The following STS variants were observed in gnomAD, a reference collection of about 807,000 sequenced individuals.
The protein encoded by STS is steroid sulfatase.
Under a neutral mutation model 26.8 loss-of-function variants are expected in STS, and 7 were observed. That is an observed-to-expected ratio of 0.26 (90% confidence interval 0.15 to 0.49). The LOEUF is 0.49. Among genes scored for constraint, STS ranks in the 20% least tolerant of loss-of-function variants. The pLI is 0.98. For synonymous variants in STS, 199 were observed against 189.4 expected, an observed-to-expected ratio of 1.05 and a Z score of -0.42; for missense variants, 434 against 465.6, an observed-to-expected ratio of 0.93 and a Z score of 0.63.
intron 2 of STS, among the ~76,000 whole-genome samples, chrX:7,247,244 TAGTC>T (rs1339882149): frequency 8.9e-6 from 1 of 112,209 alleles, no homozygotes; most frequent in East Asian, 2.8e-4. Context: ...AAGAGTAAGA[TAGTC>T]AATCACTCAA....
chrX:7,287,518 T>G (rs1406079915), intron 7 of STS, among the ~76,000 whole-genome samples: 2 of 111,289 alleles, frequency 1.8e-5, no homozygotes, highest in Non-Finnish European at 3.8e-5. Flanking sequence ...AAACTCTATA[T>G]GCTATTCTGC....
intron 2 of STS, among the ~76,000 whole-genome samples, chrX:7,206,192 G>A (rs1207283070): frequency 3.6e-5 from 4 of 111,759 alleles, no homozygotes; most frequent in African/African-American, 1.3e-4. Context: ...TATTGCTTTG[G>A]TAATCTCTTG....
At chrX:7,337,270 C>T (rs769925040) in intron 10 of STS, among the ~76,000 whole-genome samples, 33 of 112,059 alleles carry the variant, frequency 2.9e-4, no homozygotes, top group Non-Finnish European at 5.3e-4. Context: ...TGGAACATAT[C>T]GTCTTAGCGC....
rs1260680965 is a variant in STS, at chrX:7,352,295, G to A, written c.*2034G>A. 3.6e-5 allele frequency: 4 copies of A among 112,372 alleles called. No individual in the cohort carries two copies. Among genetic ancestry groups the A allele is most frequent in the Non-Finnish European group, 7.5e-5 (4 of 53,322 alleles). 9.3% of individuals were successfully genotyped at this position (112,372 alleles called of 1,213,427 possible). A position where few individuals can be genotyped will look rare whatever the true frequency, so the allele number is the denominator to read the frequency against. ...GCTGCAGGATTAAATAACTTGAAGA[G>A]CCTTTATAGATTATATGAATGCCTA... On this transcript the variant is annotated 3_prime_UTR_variant, in exon 11 of 11. Transcript: ENST00000674429.
intron 2 of STS, among the ~76,000 whole-genome samples, chrX:7,197,573 T>C (rs1270742408): frequency 1.8e-5 from 2 of 112,117 alleles, no homozygotes; most frequent in Non-Finnish European, 3.8e-5. Context: ...GCTACAAGTG[T>C]TTGTGATAAA....
At chrX:7,182,917 G>C (rs1933709112) in intron 1 of STS, among the ~76,000 whole-genome samples, 2 of 110,953 alleles carry the variant, frequency 1.8e-5, no homozygotes, top group African/African-American at 6.6e-5. Context: ...AGTTATGGTG[G>C]ATGTAATTAG....
chrX:7,206,936 G>C (rs929811709), intron 2 of STS, among the ~76,000 whole-genome samples: 1 of 112,332 alleles, frequency 8.9e-6, no homozygotes, highest in Non-Finnish European at 1.9e-5. Flanking sequence ...GGCTTGGGGG[G>C]CAATGGCTCA....
At chrX:7,289,586 A>C (rs186706936) in intron 7 of STS, among the ~76,000 whole-genome samples, 13 of 111,520 alleles carry the variant, frequency 1.2e-4, no homozygotes, top group Non-Finnish European at 1.1e-4. Context: ...TTACCTGTGG[A>C]ATCTCATCTG....
At chrX:7,322,494 G>C (rs1211385457) in intron 8 of STS, among the ~76,000 whole-genome samples, 1 of 111,519 alleles carries the variant, frequency 9.0e-6, no homozygotes, top group Non-Finnish European at 1.9e-5. Flanking sequence ...TCCACCTCCC[G>C]GGTTCAAGCA....
At chrX:7,341,516 G>A (rs1928280156) in intron 10 of STS, among the ~76,000 whole-genome samples, 1 of 111,676 alleles carries the variant, frequency 9.0e-6, no homozygotes, top group Admixed American at 9.5e-5. Flanking sequence ...TTGACACCAA[G>A]CAATCCCAAA....
chrX:7,242,778 G>A (rs1172279644), intron 2 of STS, among the ~76,000 whole-genome samples: 4 of 111,641 alleles, frequency 3.6e-5, no homozygotes, highest in African/African-American at 1.3e-4. Context: ...AACCTCAACA[G>A]CATAAACTGC....
In STS at chrX:7,180,270, C is replaced by T. The variant is rs112898515; in HGVS notation, c.-133-10610C>T. 3.9e-3 allele frequency among the ~76,000 whole-genome samples: 436 copies of T among 111,557 alleles called. 2 individuals are homozygous for T. Among genetic ancestry groups the T allele is most frequent in the African/African-American group, 0.014 (420 of 30,675 alleles). ...TTTTCCTGCAACTAGACGATCCCAT[C>T]GGGGGGTGATGGGAGACAGTGATAG... On this transcript the variant is annotated intron_variant, in intron 1 of 10. Transcript: ENST00000674429.
chrX:7,211,988 C>G (rs1326850364), intron 2 of STS, among the ~76,000 whole-genome samples: 2 of 112,002 alleles, frequency 1.8e-5, no homozygotes, highest in Non-Finnish European at 3.8e-5. Flanking sequence ...CTGCAGATCG[C>G]GGGAGCAGAT....
rs748755391 is a variant in STS, at chrX:7,179,036, A to G, written c.-133-11844A>G. ...TCTGTCCTTCTCATGAAAGTGGTAA[A>G]TGGCTTTCTCTAGTCCTCATGAAAG... On this transcript the variant is annotated intron_variant, in intron 1 of 10. Coordinates refer to ENST00000674429, the MANE Select transcript of STS (RefSeq NM_001320752.2). Among the ~76,000 whole-genome samples the G allele has an allele frequency of 8.9e-4, 91 of 102,469 alleles. 1 individual carries two copies. Among genetic ancestry groups the G allele is most frequent in the African/African-American group, 3.2e-3 (88 of 27,520 alleles). The allele number at this position is 102,469 out of a possible 115,157, so 89.0% of individuals were successfully genotyped here.
chrX:7,224,562 C>T (rs1384021627), intron 2 of STS, among the ~76,000 whole-genome samples: 2 of 111,589 alleles, frequency 1.8e-5, no homozygotes, highest in African/African-American at 6.5e-5. Context: ...CTCCCTCATT[C>T]CTTCCACCAT....
At chrX:7,228,620 G>A (rs1921922617) in intron 2 of STS, among the ~76,000 whole-genome samples, 1 of 111,467 alleles carries the variant, frequency 9.0e-6, no homozygotes. Flanking sequence ...TATATATTTG[G>A]GATATATGGT....
At chrX:7,168,011 T>G (rs1933386551) in intron 1 of STS, among the ~76,000 whole-genome samples, 1 of 111,639 alleles carries the variant, frequency 9.0e-6, no homozygotes, top group Non-Finnish European at 1.9e-5. Flanking sequence ...GCCTTTTGAT[T>G]AGCACAAAGT....
intron 2 of STS, among the ~76,000 whole-genome samples, chrX:7,193,780 G>T (rs1224415049): frequency 9.0e-6 from 1 of 111,598 alleles, no homozygotes; most frequent in Admixed American, 9.6e-5. Context: ...TACATACAGA[G>T]TATTAAACTC....
chrX:7,297,944 C>T, intron 7 of STS, among the ~76,000 whole-genome samples: 1 of 111,702 alleles, frequency 9.0e-6, no homozygotes, highest in East Asian at 2.8e-4. Flanking sequence ...GCAAGAGTTT[C>T]ATTTCCAGTG....
Sources: allele counts gnomAD v4.1 joint callset (sites outside exome capture counted in the v4.1 genomes callset), GRCh38; gene constraint gnomAD v4.1.1; transcripts MANE v1.5; gene names NCBI Gene and HGNC (gene_info 2026-07-23, HGNC 2026-07-21).